CHST8: variants seen among roughly 807,000 people sequenced by gnomAD.
CHST8 encodes the protein GALNAC-4-ST1.
CHST8 carries 10 observed loss-of-function variants against 15.0 expected under a neutral mutation model. The observed-to-expected ratio is 0.67, with a 90% CI of 0.41 to 1.13. CHST8 has a LOEUF of 1.13. CHST8 is among the 50% of genes most tolerant of loss of function. The probability of loss-of-function intolerance (pLI) is 0.00; values close to 1 mark genes in which losing one functional copy is unlikely to be tolerated. For synonymous variants in CHST8, 259 were observed against 256.6 expected, an observed-to-expected ratio of 1.01 and a Z score of -0.09; for missense variants, 634 against 608.2, an observed-to-expected ratio of 1.04 and a Z score of -0.45.
intron 1 of CHST8, among the ~76,000 whole-genome samples, chr19:33,636,896 A>G (rs1972211267): frequency 6.6e-6 from 1 of 152,172 alleles, no homozygotes; most frequent in Non-Finnish European, 1.5e-5. Flanking sequence ...AGCGAAACTC[A>G]GTCTCAAAAA....
At chr19:33,671,791 G>A (rs1292645552) in intron 2 of CHST8, among the ~76,000 whole-genome samples, 1 of 151,700 alleles carries the variant, frequency 6.6e-6, no homozygotes, top group Non-Finnish European at 1.5e-5. Flanking sequence ...CCTGCTTGGA[G>A]TGGAATTCTA....
At chr19:33,739,061 C>G (rs1974138729) in intron 3 of CHST8, among the ~76,000 whole-genome samples, 1 of 152,138 alleles carries the variant, frequency 6.6e-6, no homozygotes, top group Admixed American at 6.5e-5. Flanking sequence ...ACTCCCCCGC[C>G]CTCCTTCTGA....
chr19:33,652,179 CT>C (rs891162430), intron 1 of CHST8, among the ~76,000 whole-genome samples: 4 of 151,290 alleles, frequency 2.6e-5, no homozygotes, highest in East Asian at 1.9e-4. Context: ...CCCATCAATG[CT>C]TTTTTTTGGC....
At position 33,689,276 on chromosome 19, in the gene CHST8, T is replaced by C; in HGVS notation, c.15T>C (p.Pro5=). 1 of 1,599,990 alleles carries C rather than the reference T, an allele frequency of 6.3e-7. No individual in the cohort carries two copies. The highest frequency in any genetic ancestry group is 1.1e-5 in the South Asian group (1 of 88,770). ...GCCAGCCCCGGATGACCCTGCGACC[T>C]GGAACAATGCGGCTGGCCTGCATGT... The part of the protein sequence containing the change: MTLR[P]GTMRLACMFS... Residue 5 remains proline, a synonymous_variant, in exon 3 of 5, where the codon CCT becomes CCC. Transcript: ENST00000650847.
At chr19:33,710,096 C>T (rs899196880) in intron 3 of CHST8, among the ~76,000 whole-genome samples, 2 of 152,182 alleles carry the variant, frequency 1.3e-5, no homozygotes, top group African/African-American at 4.8e-5. Context: ...TCATGTCTTT[C>T]TAGGGCTTTG....
intron 3 of CHST8, among the ~76,000 whole-genome samples, chr19:33,721,737 G>A (rs138672099): frequency 2.6e-4 from 39 of 152,186 alleles, no homozygotes; most frequent in Non-Finnish European, 4.7e-4. Context: ...TAGATGAATG[G>A]AAGGACGGAT....
intron 3 of CHST8, among the ~76,000 whole-genome samples, chr19:33,701,668 C>T (rs1568334409): frequency 6.6e-6 from 1 of 152,042 alleles, no homozygotes; most frequent in Admixed American, 6.6e-5. Flanking sequence ...CGCAGAGCTC[C>T]AACGCACGTG....
At chr19:33,637,425 C>A (rs1230276708) in intron 1 of CHST8, among the ~76,000 whole-genome samples, 1 of 142,586 alleles carries the variant, frequency 7.0e-6, no homozygotes, top group African/African-American at 2.6e-5. Context: ...TTTTTTGAGA[C>A]GGAGTCTCGC....
intron 1 of CHST8, among the ~76,000 whole-genome samples, chr19:33,630,553 G>A (rs1219687479): frequency 6.7e-6 from 1 of 149,762 alleles, no homozygotes; most frequent in African/African-American, 2.5e-5. Context: ...CAGTGCGTGG[G>A]GAAGGCAGTC....
At position 33,707,059 on chromosome 19, in the gene CHST8, C is replaced by G. The variant is rs751084076; in HGVS notation, c.130+17668C>G. On this transcript the variant is annotated intron_variant, in intron 3 of 4. Coordinates refer to ENST00000650847, the MANE Select transcript of CHST8 (RefSeq NM_001127895.2). Reference sequence around the variant, plus strand: ...GGGGTCCACCCTGACTCCTCCCAAGCAGGTATTTTAGCAGTGTTGCAGGGG... The same window carrying G: ...GGGGTCCACCCTGACTCCTCCCAAGGAGGTATTTTAGCAGTGTTGCAGGGG... 1.0e-3 allele frequency among the ~76,000 whole-genome samples: 156 copies of G among 152,172 alleles called. 3 individuals carry two copies. Among genetic ancestry groups the G allele is most frequent in the Admixed American group, 4.8e-3 (74 of 15,286 alleles).
At chr19:33,665,926 A>G in intron 1 of CHST8, among the ~76,000 whole-genome samples, 1 of 152,200 alleles carries the variant, frequency 6.6e-6, no homozygotes, top group East Asian at 1.9e-4. Flanking sequence ...ACAAAATGAC[A>G]TCCTCAGGTT....
At position 33,757,387 on chromosome 19, in the gene CHST8, GA is replaced by G. The variant is rs745445464; in HGVS notation, c.131-14024del. 1.2e-4 allele frequency among the ~76,000 whole-genome samples: 6 copies of G among 51,586 alleles called. 1 individual carries two copies. Among genetic ancestry groups the G allele is most frequent in the African/African-American group, 1.9e-4 (3 of 16,154 alleles). The allele number at this position is 51,586 out of a possible 152,430, so 33.8% of individuals were successfully genotyped here. A position where few individuals can be genotyped will look rare whatever the true frequency, so the allele number is the denominator to read the frequency against. ...AGAGTGAGACGCGGTCTCAAAAAAA[GA>G]AGAAAGAAAGAAAGAAAGAAAGAAA... On this transcript the variant is annotated intron_variant, in intron 3 of 4. Transcript: ENST00000650847.
intron 3 of CHST8, among the ~76,000 whole-genome samples, chr19:33,693,978 T>G (rs1973148221): frequency 6.6e-6 from 1 of 150,606 alleles, no homozygotes; most frequent in African/African-American, 2.4e-5. Flanking sequence ...TGGGGCAAGG[T>G]GAGTCATTGT....
At chr19:33,700,676 G>A (rs182682763) in intron 3 of CHST8, among the ~76,000 whole-genome samples, 9 of 152,266 alleles carry the variant, frequency 5.9e-5, no homozygotes, top group East Asian at 5.8e-4. Context: ...GAATGTCTTC[G>A]TGGGGGTTCC....
At chr19:33,769,369 G>C (rs78561738) in intron 3 of CHST8, among the ~76,000 whole-genome samples, 12,963 of 152,298 alleles carry the variant, frequency 0.085, 789 homozygotes, top group Non-Finnish European at 0.13. Context: ...GATGACAGGA[G>C]TGACAAGCAG....
chr19:33,757,530 AAGAAAGAAAGAAAGAAAGAAAG>A lies in CHST8; in HGVS notation c.131-13881_131-13860del. Among the ~76,000 whole-genome samples, 2 of 29,498 alleles carry A rather than the reference AAGAAAGAAAGAAAGAAAGAAAG, an allele frequency of 6.8e-5. 1 individual carries two copies. The highest frequency in any genetic ancestry group is 7.4e-4 in the Admixed American group (2 of 2,706). The allele number at this position is 29,498 out of a possible 152,430, so 19.4% of individuals were successfully genotyped here. ...AGAAAGAAAGAAAGAAAGAGAAAGA[AAGAAAGAAAGAAAGAAAGAAAG>A]AAAGAAAGAAAGAAAGAAAGAAAGA... On this transcript the variant is annotated intron_variant, in intron 3 of 4. Transcript: ENST00000650847.
intron 3 of CHST8, among the ~76,000 whole-genome samples, chr19:33,724,915 C>T (rs375718698): frequency 8.5e-5 from 13 of 152,180 alleles, no homozygotes; most frequent in African/African-American, 3.1e-4. Flanking sequence ...GGGACCAGGC[C>T]GCAGCTGCTC....
chr19:33,693,250 CCCACCTCGG>C (rs1973134357), intron 3 of CHST8, among the ~76,000 whole-genome samples: 1 of 152,144 alleles, frequency 6.6e-6, no homozygotes, highest in African/African-American at 2.4e-5. Flanking sequence ...AGGTGATCTG[CCCACCTCGG>C]CCTCCCAAAG....
At chr19:33,650,056 T>C (rs1972414154) in intron 1 of CHST8, among the ~76,000 whole-genome samples, 1 of 152,202 alleles carries the variant, frequency 6.6e-6, no homozygotes, top group Non-Finnish European at 1.5e-5. Flanking sequence ...GGTGTCTTAC[T>C]GCCACAAAGA....
Sources: allele counts gnomAD v4.1 joint callset (sites outside exome capture counted in the v4.1 genomes callset), GRCh38; gene constraint gnomAD v4.1.1; transcripts MANE v1.5; gene names NCBI Gene and HGNC (gene_info 2026-07-23, HGNC 2026-07-21).